SFI1: variants seen among roughly 807,000 people sequenced by gnomAD.
The protein encoded by SFI1 is SFI1 centrin binding protein, also known as protein SFI1 homolog.
In SFI1, 195 loss-of-function variants were observed where a neutral mutation model predicts 207.5. That is an observed-to-expected ratio of 0.94 (90% CI 0.84 to 1.06). SFI1 has a LOEUF of 1.06. Among genes scored for constraint, SFI1 ranks in the 50% least tolerant of loss-of-function variants. The probability of loss-of-function intolerance (pLI) is 0.00; values close to 1 mark genes in which losing one functional copy is unlikely to be tolerated. For missense variants in SFI1, 1,634 were observed against 1,588.0 expected (o/e 1.03, Z -0.49); for synonymous variants, 630 against 598.9 (o/e 1.05, Z -0.76).
Position 31,589,456 on chromosome 22 carries a change from G to C in SFI1, c.1423G>C (p.Ala475Pro), listed in dbSNP as rs761886421. ...QKRRYKQLLQARADGHFQQRA... is the reference protein window; with the variant it reads ...QKRRYKQLLQPRADGHFQQRA... ...CATTCTTTTACTTTAGCTGCTACAGGCCAGAGCGGATGGTCATTTCCAGCA... is the reference window on the plus strand; with the variant it reads ...CATTCTTTTACTTTAGCTGCTACAGCCCAGAGCGGATGGTCATTTCCAGCA... The change falls in exon 15 of 33, where the codon GCC becomes CCC. Residue 475 changes from alanine to proline, a missense_variant. Transcript: ENST00000400288. The C allele has an allele frequency of 1.9e-6, 3 of 1,611,342 alleles. No homozygotes were observed. The Admixed American group carries it at 5.1e-5, about 27-fold the overall frequency.
intron 8 of SFI1, among the ~76,000 whole-genome samples, chr22:31,568,849 C>T (rs2145730476): frequency 6.6e-6 from 1 of 152,212 alleles, no homozygotes; most frequent in Non-Finnish European, 1.5e-5. Context: ...GTCCCAGCTA[C>T]TCAGGAAGCT....
intron 2 of SFI1, 70 bp downstream of exon 2, chr22:31,508,446 A>G: frequency 8.5e-7 from 1 of 1,177,006 alleles, no homozygotes; most frequent in South Asian, 1.4e-5. Flanking sequence ...CATTTTGTGT[A>G]TGAAAAAATT....
At chr22:31,587,275 TGTAGGTTATATGCAGATG>T (rs2065142373) in intron 14 of SFI1, 6 of 346,124 alleles carry the variant, frequency 1.7e-5, no homozygotes, top group South Asian at 1.4e-4. Flanking sequence ...AGGAGGACTG[TGTAGGTTATATGCAGATG>T]CCAATTTATT....
chr22:31,599,182 A>G (rs1338044747), intron 15 of SFI1, among the ~76,000 whole-genome samples: 1 of 151,600 alleles, frequency 6.6e-6, no homozygotes, highest in East Asian at 1.9e-4. Flanking sequence ...ATTTTCCTAT[A>G]TTTTATCTGG....
chr22:31,591,496 CGG>C (rs1475411491), intron 15 of SFI1, among the ~76,000 whole-genome samples: 2 of 151,574 alleles, frequency 1.3e-5, no homozygotes, highest in Non-Finnish European at 2.9e-5. Context: ...ACCTCCCAGA[CGG>C]GGTGGTGGCC....
Position 31,583,957 on chromosome 22 carries a change from C to G in SFI1, c.1331C>G (p.Ala444Gly). ...ERELLPLLHAAWDHYRIALLC... is the reference protein window; with the variant it reads ...ERELLPLLHAGWDHYRIALLC... ...GAGCTGCTCCCCTTACTGCATGCTG[C>G]CTGGGACCACTACAGGTAGGGACTC... Residue 444 changes from alanine (A) to glycine (G), a missense_variant, in exon 13 of 33, where the codon GCC becomes GGC. By Grantham distance (60) the Ala-to-Gly change is moderately conservative. Coordinates refer to ENST00000400288, the MANE Select transcript of SFI1 (RefSeq NM_001007467.3). The G allele has an allele frequency of 6.2e-7, 1 of 1,613,918 alleles. No homozygotes were observed.
At chr22:31,545,661 A>G (rs2018691958) in intron 4 of SFI1, among the ~76,000 whole-genome samples, 1 of 151,612 alleles carries the variant, frequency 6.6e-6, no homozygotes, top group African/African-American at 2.4e-5. Flanking sequence ...GGCTCACCAC[A>G]ACCTCTGCCC....
At chr22:31,591,183 T>C (rs1172978712) in intron 15 of SFI1, among the ~76,000 whole-genome samples, 1 of 152,186 alleles carries the variant, frequency 6.6e-6, no homozygotes, top group Non-Finnish European at 1.5e-5. Flanking sequence ...ATGAGCATGC[T>C]GCCTTCAAGC....
chr22:31,503,003 C>T (rs578175158), intron 1 of SFI1, among the ~76,000 whole-genome samples: 270 of 134,014 alleles, frequency 2.0e-3, no homozygotes, highest in Non-Finnish European at 3.2e-3. Context: ...TGCAGTGAGC[C>T]GAGATTGAGC....
At chr22:31,542,871 A>G (rs1228543615) in intron 4 of SFI1, among the ~76,000 whole-genome samples, 1 of 151,772 alleles carries the variant, frequency 6.6e-6, no homozygotes, top group Non-Finnish European at 1.5e-5. Flanking sequence ...CACGTTGGCC[A>G]GGCTGGTCTC....
chr22:31,610,242 G>A (rs888406583), intron 22 of SFI1, among the ~76,000 whole-genome samples: 1 of 152,150 alleles, frequency 6.6e-6, no homozygotes, highest in Admixed American at 6.5e-5. Flanking sequence ...ACAGGCTGGC[G>A]GTCATAACCT....
At position 31,517,114 on chromosome 22, in the gene SFI1, A is replaced by G. The variant is rs145261253; in HGVS notation, c.92+8738A>G. On this transcript the variant is annotated intron_variant, in intron 2 of 32. Transcript: ENST00000400288. ...GTGCCACTATACTCCAGCCTGGGTGACAGAGTGAGACTCTGTCTCAAAAAA... is the reference window on the plus strand; with the variant it reads ...GTGCCACTATACTCCAGCCTGGGTGGCAGAGTGAGACTCTGTCTCAAAAAA... Among the ~76,000 whole-genome samples the G allele has an allele frequency of 8.5e-3, 1,288 of 152,052 alleles. 15 individuals carry two copies. Among genetic ancestry groups the G allele is most frequent in the Non-Finnish European group, 0.014 (976 of 67,992 alleles).
At chr22:31,590,966 TATTTATTTATTTA>T (rs1488287265) in intron 15 of SFI1, among the ~76,000 whole-genome samples, 6 of 148,536 alleles carry the variant, frequency 4.0e-5, no homozygotes, top group African/African-American at 1.3e-4. Context: ...TTTATTTATT[TATTTATTTATTTA>T]TTTTTTTATT....
chr22:31,588,567 C>G (rs2065341044), intron 14 of SFI1, among the ~76,000 whole-genome samples: 1 of 152,224 alleles, frequency 6.6e-6, no homozygotes, highest in South Asian at 2.1e-4. Context: ...GTAATCCCAG[C>G]ACTTTGGGAG....
rs370409526 is a variant in SFI1, at chr22:31,508,325, A to G, written c.41A>G (p.Asn14Ser). Residue 14 changes from asparagine (N) to serine (S), a missense_variant, in exon 2 of 33, where the codon AAT (asparagine) becomes AGT (serine). Asn to Ser is a conservative substitution (Grantham distance 46, BLOSUM62 1). Transcript: ENST00000400288. ...LLTEKCISSH[N>S]FHQKVIKQRM... ...ACTGAGAAGTGTATATCAAGCCACA[A>G]TTTCCATCAAAAAGTGATTAAGCAG... 22 of 1,613,676 alleles carry G rather than the reference A, an allele frequency of 1.4e-5. No individual in the cohort carries two copies. Among genetic ancestry groups the G allele is most frequent in the South Asian group, 4.4e-5 (4 of 91,052 alleles).
chr22:31,589,741 A>T (rs184225058), intron 15 of SFI1, among the ~76,000 whole-genome samples, 164 bp downstream of exon 15: 19 of 152,198 alleles, frequency 1.2e-4, no homozygotes, highest in Admixed American at 9.8e-4. Context: ...GCAGGAAAAG[A>T]CAAGACAGTG....
chr22:31,582,501 C>T (rs1425864592), intron 12 of SFI1, among the ~76,000 whole-genome samples: 1 of 151,614 alleles, frequency 6.6e-6, no homozygotes, highest in East Asian at 1.9e-4. Flanking sequence ...ATCCTCCCAC[C>T]TCGGCCTCCC....
rs1008813106 is a variant in SFI1 at position 31,546,951 on chromosome 22, T to G, written c.429T>G (p.Val143=). 3 of 1,610,852 alleles carry G rather than the reference T, an allele frequency of 1.9e-6. No homozygotes were observed. Among genetic ancestry groups the G allele is most frequent in the African/African-American group, 2.7e-5 (2 of 74,834 alleles). Reference sequence around the variant, plus strand: ...TCCAGCACGAGTGGAAACTCTGTGTTCGAGCTGACTGTCACTACAGGTCAG... The same window carrying G: ...TCCAGCACGAGTGGAAACTCTGTGTGCGAGCTGACTGTCACTACAGGTCAG... ...WVFQHEWKLC[V]RADCHYRYYL... The change falls in exon 5 of 33, where the codon GTT becomes GTG. Residue 143 remains valine (V), a synonymous_variant. Coordinates refer to ENST00000400288, the MANE Select transcript of SFI1 (RefSeq NM_001007467.3).
chr22:31,504,015 T>C (rs1025204264), intron 1 of SFI1, among the ~76,000 whole-genome samples: 20 of 152,184 alleles, frequency 1.3e-4, no homozygotes, highest in African/African-American at 4.3e-4. Flanking sequence ...ATTTTATCTG[T>C]GAGGTTACAG....
Sources: allele counts gnomAD v4.1 joint callset (sites outside exome capture counted in the v4.1 genomes callset), GRCh38; gene constraint gnomAD v4.1.1; transcripts MANE v1.5; gene names NCBI Gene and HGNC (gene_info 2026-07-23, HGNC 2026-07-21).